TAOK3: variants seen among roughly 807,000 people sequenced by gnomAD.
TAOK3 encodes the protein TAO kinase 3, also known as serine/threonine-protein kinase TAO3.
Under a neutral mutation model 120.4 loss-of-function variants are expected in TAOK3, and 40 were observed. That is an observed-to-expected ratio of 0.33 (90% CI 0.26 to 0.43). TAOK3 has a LOEUF of 0.43. TAOK3 is among the 20% of genes least tolerant of loss of function. TAOK3 has a pLI of 1.00. For synonymous variants in TAOK3, 355 were observed against 387.5 expected (o/e 0.92, Z 0.99); for missense variants, 821 against 1,112.1 (o/e 0.74, Z 3.72).
intron 1 of TAOK3, among the ~76,000 whole-genome samples, chr12:118,366,241 G>A (rs953793148): frequency 5.3e-5 from 8 of 152,230 alleles, no homozygotes; most frequent in South Asian, 2.1e-4. Context: ...TCCAGCCTGA[G>A]CGAAAGAGCG....
intron 1 of TAOK3, among the ~76,000 whole-genome samples, chr12:118,322,135 C>T (rs2043732083): frequency 2.0e-5 from 3 of 151,646 alleles, no homozygotes; most frequent in South Asian, 4.2e-4. Context: ...GCCAACATGG[C>T]GAAACCACCT....
At chr12:118,233,909 A>C in intron 8 of TAOK3, 144 bp from the exon 9 acceptor site, 2 of 625,706 alleles carry the variant, frequency 3.2e-6, no homozygotes, top group Non-Finnish European at 5.6e-6. Flanking sequence ...AATAATTTTG[A>C]AAAACACTAT....
At chr12:118,297,396 T>C (rs186612483) in intron 1 of TAOK3, among the ~76,000 whole-genome samples, 52 of 152,344 alleles carry the variant, frequency 3.4e-4, no homozygotes, top group Non-Finnish European at 5.7e-4. Flanking sequence ...CTACTTTTTG[T>C]TGTACTTCAG....
rs1482291847 is a variant in TAOK3 at position 118,266,749 on chromosome 12, TA to T, written c.-184del. The T allele has an allele frequency of 1.3e-5, 5 of 397,504 alleles. 1 individual carries two copies. The highest frequency in any genetic ancestry group is 2.2e-5 in the Non-Finnish European group (5 of 225,516). The allele number at this position is 397,504 out of a possible 1,614,324, so 24.6% of individuals were successfully genotyped here. A position where few individuals can be genotyped will look rare whatever the true frequency, so the allele number is the denominator to read the frequency against. On this transcript the variant is annotated 5_prime_UTR_variant, in exon 2 of 21. Coordinates refer to ENST00000392533, the MANE Select transcript of TAOK3 (RefSeq NM_016281.4). ...TTTTATAACTTCAGTCCTTTGTATT[TA>T]TGATGCAACCTATAGAAAAAGAAGA...
intron 1 of TAOK3, among the ~76,000 whole-genome samples, chr12:118,280,055 G>A (rs1265999811): frequency 3.4e-5 from 5 of 145,944 alleles, no homozygotes; most frequent in East Asian, 2.1e-4. Context: ...GTGAGCCACC[G>A]CGCCCCACCT....
chr12:118,248,401 A>G (rs1295041679), intron 3 of TAOK3, among the ~76,000 whole-genome samples: 2 of 152,130 alleles, frequency 1.3e-5, no homozygotes, highest in Non-Finnish European at 2.9e-5. Context: ...AAAATCTCTA[A>G]CACTGTTCTG....
chr12:118,370,678 A>G (rs2045869381), intron 1 of TAOK3, among the ~76,000 whole-genome samples: 1 of 152,228 alleles, frequency 6.6e-6, no homozygotes, highest in African/African-American at 2.4e-5. Flanking sequence ...TGTGCATTCG[A>G]GTTTGAAAAG....
chr12:118,239,281 GATTA>G lies in TAOK3; in HGVS notation c.295-13_295-10del. ...CAATATTCCATCACCAACTATAAGA[GATTA>G]AAATAATATTCAGAATAATGAAAGT... On this transcript the variant is annotated splice_polypyrimidine_tract_variant and intron_variant, in intron 5 of 20. Transcript: ENST00000392533. The G allele has an allele frequency of 6.8e-7, 1 of 1,472,668 alleles. No individual in the cohort carries two copies. The highest frequency in any genetic ancestry group is 2.3e-5 in the East Asian group (1 of 44,024). 91.2% of individuals were successfully genotyped at this position (1,472,668 alleles called of 1,614,324 possible).
intron 9 of TAOK3, among the ~76,000 whole-genome samples, chr12:118,226,782 G>A (rs1410679834): frequency 6.6e-6 from 1 of 152,144 alleles, no homozygotes; most frequent in Non-Finnish European, 1.5e-5. Flanking sequence ...GATACAGAGA[G>A]CATGTAGTTA....
intron 1 of TAOK3, among the ~76,000 whole-genome samples, chr12:118,365,941 A>G (rs1161185685): frequency 1.3e-5 from 2 of 152,202 alleles, no homozygotes; most frequent in African/African-American, 2.4e-5. Context: ...ATACCCTGAA[A>G]CTAAAAGCTA....
chr12:118,319,619 G>C (rs1220270781), intron 1 of TAOK3, among the ~76,000 whole-genome samples: 1 of 151,962 alleles, frequency 6.6e-6, no homozygotes, highest in Non-Finnish European at 1.5e-5. Flanking sequence ...TTAATTATTA[G>C]GGAAATGCAA....
At chr12:118,343,039 A>C (rs926254856) in intron 1 of TAOK3, among the ~76,000 whole-genome samples, 9 of 152,162 alleles carry the variant, frequency 5.9e-5, no homozygotes, top group African/African-American at 1.9e-4. Flanking sequence ...AGGCTTAAAA[A>C]AAAAAACTAT....
chr12:118,291,335 C>T (rs374318695), intron 1 of TAOK3, among the ~76,000 whole-genome samples: 11 of 148,312 alleles, frequency 7.4e-5, no homozygotes, highest in Non-Finnish European at 1.3e-4. Flanking sequence ...TTTTTTTTGT[C>T]GTTTTAGCAG....
intron 1 of TAOK3, among the ~76,000 whole-genome samples, chr12:118,306,054 A>G (rs1287317869): frequency 6.6e-6 from 1 of 152,164 alleles, no homozygotes; most frequent in East Asian, 1.9e-4. Flanking sequence ...ATAATAAAGA[A>G]TGTAGAAAGG....
At chr12:118,239,942 G>A (rs1038616140) in intron 5 of TAOK3, among the ~76,000 whole-genome samples, 1 of 152,036 alleles carries the variant, frequency 6.6e-6, no homozygotes, top group Non-Finnish European at 1.5e-5. Context: ...TGAGGCAGGT[G>A]GATCACCTGA....
chr12:118,229,049 A>G (rs1343830865), intron 9 of TAOK3, among the ~76,000 whole-genome samples: 1 of 151,384 alleles, frequency 6.6e-6, no homozygotes, highest in Non-Finnish European at 1.5e-5. Flanking sequence ...AGCTTCACTT[A>G]ATCATATTCC....
chr12:118,236,210 C>G (rs2040014263), intron 7 of TAOK3: 1 of 153,258 alleles, frequency 6.5e-6, no homozygotes, highest in Admixed American at 6.5e-5. Context: ...TTAATTGTAA[C>G]TGCAACTCTA....
At chr12:118,172,408 G>C in intron 17 of TAOK3, 49 bp downstream of exon 17, 1 of 1,574,404 alleles carries the variant, frequency 6.4e-7, no homozygotes, top group Admixed American at 1.7e-5. Flanking sequence ...GCCTCACATA[G>C]CATATTGTCT....
chr12:118,173,275 G>A (rs181193785), intron 16 of TAOK3, among the ~76,000 whole-genome samples: 1 of 152,324 alleles, frequency 6.6e-6, no homozygotes, highest in East Asian at 1.9e-4. Flanking sequence ...AGGGGCTGGT[G>A]TAACGTAATA....
Sources: gnomAD v4.1 joint callset for allele counts (sites outside exome capture counted in the v4.1 genomes callset) on GRCh38, gnomAD v4.1.1 for gene constraint, MANE v1.5 for transcripts, NCBI Gene and HGNC (gene_info 2026-07-23, HGNC 2026-07-21) for gene names.